The following CORIN variants were observed in gnomAD, a reference collection of about 807,000 sequenced individuals.
The protein encoded by CORIN is corin, serine peptidase, also known as atrial natriuretic peptide-converting enzyme.
CORIN carries 117 observed loss-of-function variants against 125.3 expected under a neutral mutation model. The observed-to-expected ratio is 0.93, with a 90% confidence interval of 0.80 to 1.09. CORIN has a LOEUF of 1.09. Among genes scored for constraint, CORIN ranks in the 50% least tolerant of loss-of-function variants. CORIN has a pLI of 0.00. For missense variants in CORIN, 1,253 were observed against 1,306.7 expected, an observed-to-expected ratio of 0.96 and a Z score of 0.63; for synonymous variants, 450 against 466.4, an observed-to-expected ratio of 0.96 and a Z score of 0.45.
At chr4:47,661,484 T>A (rs963680992) in intron 12 of CORIN, 2 of 474,084 alleles carry the variant, frequency 4.2e-6, no homozygotes, top group East Asian at 3.4e-5. Flanking sequence ...AATAAAAGAA[T>A]AGAAATAGAA....
Position 47,744,485 on chromosome 4 carries a change from C to T in CORIN, c.716G>A (p.Arg239Lys). ...MVNYSWPDFL[R>K]CSQFRNQTES... ...AGTTTGGTTTCTAAACTGGGAGCAT[C>T]TGAGGAAATCCGGCCAGGAGTAATT... The change falls in exon 5 of 22, where the codon AGA becomes AAA. Residue 239 changes from arginine to lysine, a missense_variant. Coordinates refer to ENST00000273857, the MANE Select transcript of CORIN (RefSeq NM_006587.4). The T allele has an allele frequency of 6.2e-7, 1 of 1,613,930 alleles. No homozygotes were observed. The highest frequency in any genetic ancestry group is 8.5e-7 in the Non-Finnish European group (1 of 1,179,982).
At chr4:47,628,696 T>G (rs1722684214) in intron 16 of CORIN, among the ~76,000 whole-genome samples, 1 of 152,150 alleles carries the variant, frequency 6.6e-6, no homozygotes, top group Non-Finnish European at 1.5e-5. Context: ...ATTCCACATA[T>G]AAATGAGATC....
chr4:47,627,062 C>A (rs1308762794), intron 16 of CORIN, among the ~76,000 whole-genome samples: 1 of 151,934 alleles, frequency 6.6e-6, no homozygotes, highest in Non-Finnish European at 1.5e-5. Context: ...CGGCTCACTG[C>A]AACGTCTGCC....
chr4:47,662,626 T>TA (rs758513548), intron 11 of CORIN, among the ~76,000 whole-genome samples: 64 of 148,744 alleles, frequency 4.3e-4, no homozygotes, highest in Middle Eastern at 7.0e-3. Flanking sequence ...GTTACACAGT[T>TA]AAAAAAAAAA....
At chr4:47,707,929 T>G (rs1490458763) in intron 5 of CORIN, among the ~76,000 whole-genome samples, 1 of 152,212 alleles carries the variant, frequency 6.6e-6, no homozygotes, top group East Asian at 1.9e-4. Flanking sequence ...TGCTTTCTCT[T>G]CACAGTATAT....
chr4:47,683,780 C>T lies in CORIN; in HGVS notation c.972G>A (p.Val324=), dbSNP rs748358093. 5.0e-6 allele frequency: 8 copies of T among 1,613,784 alleles called. No homozygotes were observed. Among genetic ancestry groups the T allele is most frequent in the African/African-American group, 1.3e-5 (1 of 74,936 alleles). ...CCCCACAGTCATCATATCCATCACA[C>T]ACAAGGCTGTAATTAAGGCACTTGC... ...HTGKCLNYSL[V]CDGYDDCGDL... is the part of the protein sequence containing the mutation. The change falls in exon 7 of 22, where the codon GTG becomes GTA. Residue 324 remains valine, a synonymous_variant. Transcript: ENST00000273857.
At chr4:47,693,225 T>C (rs557014830) in intron 5 of CORIN, 142 bp from the exon 6 acceptor site, 46 of 631,702 alleles carry the variant, frequency 7.3e-5, no homozygotes, top group African/African-American at 5.2e-4. Flanking sequence ...TTGTCATCAA[T>C]TTTTCTTTGG....
intron 3 of CORIN, among the ~76,000 whole-genome samples, chr4:47,777,433 C>T (rs949527198): frequency 1.3e-5 from 2 of 152,128 alleles, no homozygotes; most frequent in African/African-American, 4.8e-5. Flanking sequence ...GAGTTCAAGA[C>T]CAGCCTAGCC....
chr4:47,623,921 A>T lies in CORIN; in HGVS notation c.2343T>A (p.Ile781=), dbSNP rs747035467. Reference sequence around the variant, plus strand: ...CACCTTGTTTAGTACACAGAAGAGAAATTTTACTTCTGCTCTCACAAGACT... The same window carrying T: ...CACCTTGTTTAGTACACAGAAGAGATATTTTACTTCTGCTCTCACAAGACT... ...NGQSCESRSK[I]SLLCTKQDCG... is the part of the protein sequence containing the mutation. Residue 781 remains isoleucine, a synonymous_variant, in exon 18 of 22, where the codon ATT becomes ATA. Coordinates refer to ENST00000273857, the MANE Select transcript of CORIN (RefSeq NM_006587.4). The T allele has an allele frequency of 1.2e-6, 2 of 1,613,880 alleles. No individual in the cohort carries two copies. The highest frequency in any genetic ancestry group is 1.7e-6 in the Non-Finnish European group (2 of 1,179,764).
chr4:47,729,803 A>C (rs1727779609), intron 5 of CORIN, among the ~76,000 whole-genome samples: 1 of 152,124 alleles, frequency 6.6e-6, no homozygotes, highest in African/African-American at 2.4e-5. Flanking sequence ...ACACACACGG[A>C]GCGGCTGAAT....
chr4:47,783,751 G>A (rs1000514268), intron 3 of CORIN, among the ~76,000 whole-genome samples: 5 of 152,000 alleles, frequency 3.3e-5, no homozygotes, highest in Non-Finnish European at 7.4e-5. Flanking sequence ...TCAAGTCATA[G>A]AAGTGTGATC....
At chr4:47,765,966 C>T (rs1480225335) in intron 3 of CORIN, among the ~76,000 whole-genome samples, 1 of 152,090 alleles carries the variant, frequency 6.6e-6, no homozygotes, top group East Asian at 1.9e-4. Context: ...AAAGAACTAA[C>T]AACTATATAA....
chr4:47,689,546 T>C (rs1035870449), intron 6 of CORIN, among the ~76,000 whole-genome samples: 8 of 152,190 alleles, frequency 5.3e-5, no homozygotes, highest in African/African-American at 9.7e-5. Context: ...CAAAAATATT[T>C]GATAGTGGTT....
At chr4:47,804,511 A>C (rs1731679888) in intron 2 of CORIN, among the ~76,000 whole-genome samples, 1 of 152,160 alleles carries the variant, frequency 6.6e-6, no homozygotes, top group Non-Finnish European at 1.5e-5. Flanking sequence ...TATACAATGG[A>C]GTACTATGCA....
chr4:47,798,017 C>A (rs2109936579), intron 2 of CORIN, among the ~76,000 whole-genome samples: 1 of 152,148 alleles, frequency 6.6e-6, no homozygotes, highest in African/African-American at 2.4e-5. Flanking sequence ...TTTTCAATTT[C>A]TCTTTGAAGA....
chr4:47,725,230 C>T (rs1389469467), intron 5 of CORIN, among the ~76,000 whole-genome samples: 1 of 151,952 alleles, frequency 6.6e-6, no homozygotes, highest in Non-Finnish European at 1.5e-5. Flanking sequence ...CAAATCCAAT[C>T]AAGATTTTTG....
At chr4:47,658,702 G>C (rs1026359732) in intron 12 of CORIN, among the ~76,000 whole-genome samples, 3 of 152,230 alleles carry the variant, frequency 2.0e-5, no homozygotes, top group Non-Finnish European at 4.4e-5. Context: ...GGCTGCCTGG[G>C]AGATCTCTGA....
At position 47,619,626 on chromosome 4, in the gene CORIN, C is replaced by T. The variant is rs555557705; in HGVS notation, c.2540+3945G>A. On this transcript the variant is annotated intron_variant, in intron 19 of 21. Coordinates refer to ENST00000273857, the MANE Select transcript of CORIN (RefSeq NM_006587.4). ...TTACCAAGGCCTTTAATATTATGTA[C>T]GTGCCTTTAATTATAAGCACATATT... Among the ~76,000 whole-genome samples the T allele has an allele frequency of 6.2e-4, 94 of 152,268 alleles. 1 individual carries two copies. Among genetic ancestry groups the T allele is most frequent in the Middle Eastern group, 3.4e-3 (1 of 294 alleles).
chr4:47,708,260 G>A (rs972113720), intron 5 of CORIN, among the ~76,000 whole-genome samples: 1 of 152,174 alleles, frequency 6.6e-6, no homozygotes, highest in Admixed American at 6.5e-5. Flanking sequence ...AAATCAAGGT[G>A]TTGGCAAAGC....
Sources: allele counts gnomAD v4.1 joint callset (sites outside exome capture counted in the v4.1 genomes callset), GRCh38; gene constraint gnomAD v4.1.1; transcripts MANE v1.5; gene names NCBI Gene and HGNC (gene_info 2026-07-23, HGNC 2026-07-21).